Variants in PRELID2 observed in about 807,000 individuals in gnomAD.
PRELID2 encodes the protein PRELI domain-containing protein 2.
In PRELID2, 25 loss-of-function variants were observed where a neutral mutation model predicts 28.4. The ratio of observed to expected loss-of-function variants is 0.88; its 90% confidence interval spans 0.64 to 1.23. The LOEUF (loss-of-function observed/expected upper bound fraction) is 1.23. Ranked by LOEUF, PRELID2 falls within the 50% of genes most tolerant of loss-of-function variation. The probability of loss-of-function intolerance (pLI) is 0.00; values close to 1 mark genes in which losing one functional copy is unlikely to be tolerated. For missense variants in PRELID2, 201 were observed against 214.4 expected (o/e 0.94, Z 0.39); for synonymous variants, 76 against 71.6 (o/e 1.06, Z -0.31).
intron 1 of PRELID2, among the ~76,000 whole-genome samples, chr5:145,740,813 TATACATATATACAAATATATATTTATCG>T (rs1756672353): frequency 9.3e-6 from 1 of 107,894 alleles, no homozygotes; most frequent in Non-Finnish European, 1.7e-5. Flanking sequence ...GTATATACAT[TATACATATATACAAATATATATTTATCG>T]ATAAATATAT....
the PRELID2 span, among the ~76,000 whole-genome samples, chr5:145,245,916 G>T: frequency 1.3e-5 from 2 of 150,682 alleles, no homozygotes; most frequent in African/African-American, 4.9e-5. Flanking sequence ...TTTTGTTTTT[G>T]TTTTTTTTTA....
At chr5:145,573,648 C>T (rs375218399) in intron 1 of PRELID2, among the ~76,000 whole-genome samples, 4 of 152,286 alleles carry the variant, frequency 2.6e-5, no homozygotes, top group Middle Eastern at 3.4e-3. Context: ...TGATTTCCAG[C>T]TTCATCCATG....
At chr5:145,315,926 A>G in the PRELID2 span, among the ~76,000 whole-genome samples, 8 of 152,220 alleles carry the variant, frequency 5.3e-5, no homozygotes, top group Non-Finnish European at 1.2e-4. Context: ...AGCTGTTAAA[A>G]TATACTCAAA....
the PRELID2 span, among the ~76,000 whole-genome samples, chr5:145,356,851 T>C: frequency 6.6e-6 from 1 of 152,154 alleles, no homozygotes; most frequent in African/African-American, 2.4e-5. Context: ...AGAGTGTCAA[T>C]GTATGTTTTT....
At chr5:145,542,765 C>CTTTCT (rs1752754279) in intron 1 of PRELID2, among the ~76,000 whole-genome samples, 1 of 143,678 alleles carries the variant, frequency 7.0e-6, no homozygotes, top group South Asian at 2.2e-4. Context: ...TTCTTTCTTT[C>CTTTCT]TTTCTTTCTT....
intron 1 of PRELID2, among the ~76,000 whole-genome samples, chr5:145,499,920 G>A (rs1030898551): frequency 3.9e-5 from 6 of 152,174 alleles, no homozygotes; most frequent in African/African-American, 9.6e-5. Flanking sequence ...TGAGCTTTGC[G>A]CACACCTACC....
intron 1 of PRELID2, among the ~76,000 whole-genome samples, chr5:145,743,629 T>C (rs555035422): frequency 1.3e-5 from 2 of 151,716 alleles, no homozygotes; most frequent in East Asian, 2.0e-4. Context: ...AGGTAGTGAG[T>C]GAGCGTGCTA....
chr5:145,239,271 A>T, the PRELID2 span, among the ~76,000 whole-genome samples: 1 of 152,074 alleles, frequency 6.6e-6, no homozygotes, highest in African/African-American at 2.4e-5. Context: ...ATTAAATGTT[A>T]AAAAGGGGCA....
intron 6 of PRELID2, among the ~76,000 whole-genome samples, chr5:145,763,649 C>T (rs187015260): frequency 1.8e-4 from 27 of 152,332 alleles, no homozygotes; most frequent in Admixed American, 1.2e-3. Flanking sequence ...CTGTTTATCA[C>T]AATTAGAATA....
chr5:145,655,097 C>A (rs1384302395), intron 1 of PRELID2, among the ~76,000 whole-genome samples: 2 of 151,678 alleles, frequency 1.3e-5, no homozygotes, highest in African/African-American at 4.8e-5. Context: ...CATTCTTAAA[C>A]ACCAATAACA....
intron 1 of PRELID2, among the ~76,000 whole-genome samples, chr5:145,500,946 T>C (rs1488447764): frequency 6.6e-6 from 1 of 152,140 alleles, no homozygotes; most frequent in East Asian, 1.9e-4. Context: ...CATGTGCCTG[T>C]CTGATGATTT....
the PRELID2 span, among the ~76,000 whole-genome samples, chr5:145,466,405 G>A: frequency 6.6e-6 from 1 of 152,016 alleles, no homozygotes; most frequent in African/African-American, 2.4e-5. Context: ...TTACTACTTG[G>A]AAATAGTGAT....
chr5:145,229,035 G>C, the PRELID2 span: 3 of 1,601,912 alleles, frequency 1.9e-6, no homozygotes, highest in Non-Finnish European at 2.6e-6. Context: ...GTTCATCTGG[G>C]CGGCCATCCA....
Position 145,495,943 on chromosome 5 carries a change from A to G in PRELID2, n.71-22628T>C, listed in dbSNP as rs139905566. Among the ~76,000 whole-genome samples the G allele has an allele frequency of 8.1e-4, 124 of 152,302 alleles. 1 individual carries two copies. In the East Asian group the frequency reaches 0.02, roughly 25 times the overall value. ...TCAGAGTGTGAGTCACCGGAGAATG[A>G]GTCAGGTGTTCCATTACCATGTGCC... On this transcript the variant is annotated intron_variant and non_coding_transcript_variant, in intron 1 of 2. Coordinates refer to the PRELID2 transcript ENST00000510259.
intron 1 of PRELID2, among the ~76,000 whole-genome samples, chr5:145,737,318 G>A (rs1290699281): frequency 2.6e-5 from 4 of 151,974 alleles, no homozygotes; most frequent in African/African-American, 4.8e-5. Flanking sequence ...CAATGTTTCC[G>A]CTGAGAAATA....
intron 1 of PRELID2, among the ~76,000 whole-genome samples, chr5:145,737,062 T>A (rs916396814): frequency 2.6e-5 from 4 of 151,784 alleles, no homozygotes; most frequent in African/African-American, 9.7e-5. Flanking sequence ...GAGGAAGAGA[T>A]AAAAGGAAGA....
the PRELID2 span, among the ~76,000 whole-genome samples, chr5:145,412,990 A>G: frequency 1.3e-5 from 2 of 152,280 alleles, no homozygotes; most frequent in South Asian, 4.1e-4. Context: ...CACCTCCATG[A>G]TTCAATTATC....
At chr5:145,466,056 TCA>T in the PRELID2 span, among the ~76,000 whole-genome samples, 2 of 152,106 alleles carry the variant, frequency 1.3e-5, no homozygotes, top group Non-Finnish European at 2.9e-5. Flanking sequence ...AGATTCTGCC[TCA>T]GAGATTTTTC....
the PRELID2 span, among the ~76,000 whole-genome samples, chr5:145,244,464 G>C: frequency 6.6e-6 from 1 of 151,960 alleles, no homozygotes; most frequent in Admixed American, 6.6e-5. Context: ...CTGAATTGAA[G>C]GTACAAAAAG....
Sources: allele counts gnomAD v4.1 joint callset (sites outside exome capture counted in the v4.1 genomes callset), GRCh38; gene constraint gnomAD v4.1.1; transcripts MANE v1.5; gene names NCBI Gene and HGNC (gene_info 2026-07-23, HGNC 2026-07-21).